Variants in FUT2 observed in about 807,000 individuals in gnomAD.
The protein encoded by FUT2 is galactoside alpha-(1,2)-fucosyltransferase 2.
For missense variants in FUT2, 419 were observed against 465.8 expected (o/e 0.90, Z 0.93); for synonymous variants, 182 against 193.1 (o/e 0.94, Z 0.48).
intron 1 of FUT2, among the ~76,000 whole-genome samples, chr19:48,702,475 T>TAC (rs1426552282): frequency 3.9e-5 from 6 of 151,988 alleles, no homozygotes; most frequent in African/African-American, 1.4e-4. Context: ...TGTATATATA[T>TAC]ACATATATAT....
At chr19:48,698,099 T>TTTTA (rs2032448154) in intron 1 of FUT2, among the ~76,000 whole-genome samples, 1 of 151,118 alleles carries the variant, frequency 6.6e-6, no homozygotes, top group Admixed American at 6.6e-5. Context: ...GAGGTGTTGT[T>TTTTA]TTTATCCCTC....
chr19:48,698,480 G>T (rs1395845478), intron 1 of FUT2, among the ~76,000 whole-genome samples: 1 of 151,924 alleles, frequency 6.6e-6, no homozygotes, highest in South Asian at 2.1e-4. Flanking sequence ...GCCCAGGCTG[G>T]AGTGCAGCTG....
In FUT2 at chr19:48,705,111, C is replaced by CTTTTTT. The variant is rs764196118; in HGVS notation, c.*1135_*1140dup. 16 of 139,140 alleles carry CTTTTTT rather than the reference C, an allele frequency of 1.1e-4. 1 individual carries two copies. The highest frequency in any genetic ancestry group is 2.2e-4 in the African/African-American group (6 of 27,822). The allele number at this position is 139,140 out of a possible 1,614,324, so 8.6% of individuals were successfully genotyped here. A position where few individuals can be genotyped will look rare whatever the true frequency, so the allele number is the denominator to read the frequency against. ...CACTGTTTTCTTTTCTTTTTCTTTT[C>CTTTTTT]TTTTTTTTTTTTTTTTTGAGATGGA... On this transcript the variant is annotated 3_prime_UTR_variant, in exon 2 of 2. Transcript: ENST00000425340.
Position 48,703,323 on chromosome 19 carries a change from C to T in FUT2, c.367C>T (p.Pro123Ser), listed in dbSNP as rs778487951. Residue 123 changes from proline to serine, a missense_variant, in exon 2 of 2, where the codon CCC becomes TCC. By Grantham distance (74) the Pro-to-Ser change is moderately conservative. Transcript: ENST00000425340. ...GCACAGCGCCACGGCCAGCAGGATCCCCTGGCAGAACTACCACCTGAACGA... is the reference window on the plus strand; with the variant it reads ...GCACAGCGCCACGGCCAGCAGGATCTCCTGGCAGAACTACCACCTGAACGA... ...VLHSATASRI[P>S]WQNYHLNDWM... is the part of the protein sequence containing the mutation. 2 of 1,613,004 alleles carry T rather than the reference C, an allele frequency of 1.2e-6. No homozygotes were observed. The highest frequency in any genetic ancestry group is 2.2e-5 in the East Asian group (1 of 44,884).
Position 48,704,560 on chromosome 19 carries a change from G to C in FUT2, c.*572G>C, listed in dbSNP as rs533653828. On this transcript the variant is annotated 3_prime_UTR_variant, in exon 2 of 2. Coordinates refer to ENST00000425340, the MANE Select transcript of FUT2 (RefSeq NM_000511.6). Reference sequence around the variant, plus strand: ...GGCTCCACAAAGTCATCAGTCACCTGAGCTCCATCCATCTTCACATGCTGT... The same window carrying C: ...GGCTCCACAAAGTCATCAGTCACCTCAGCTCCATCCATCTTCACATGCTGT... The C allele has an allele frequency of 3.0e-4, 127 of 422,476 alleles. No homozygotes were observed. The highest frequency in any genetic ancestry group is 2.4e-3 in the African/African-American group (118 of 48,822). The allele number at this position is 422,476 out of a possible 1,614,324, so 26.2% of individuals were successfully genotyped here.
intron 1 of FUT2, among the ~76,000 whole-genome samples, chr19:48,700,632 G>A (rs1271396686): frequency 6.6e-6 from 1 of 151,996 alleles, no homozygotes; most frequent in East Asian, 1.9e-4. Context: ...CGCCCAGCCA[G>A]CTACCATTTC....
rs764196118 is a variant in FUT2 at position 48,705,111 on chromosome 19, C to CTTTTTTTTTTTTTTTTTTTTT, written c.*1140_*1141insTTTTTTTTTTTTTTTTTTTTT. The stretch of plus-strand genomic sequence containing the variant: ...CACTGTTTTCTTTTCTTTTTCTTTT[C>CTTTTTTTTTTTTTTTTTTTTT]TTTTTTTTTTTTTTTTTGAGATGGA... On this transcript the variant is annotated 3_prime_UTR_variant, in exon 2 of 2. Transcript: ENST00000425340. 7.3e-6 allele frequency: 1 copy of CTTTTTTTTTTTTTTTTTTTTT among 137,304 alleles called. No individual in the cohort carries two copies. Among genetic ancestry groups the CTTTTTTTTTTTTTTTTTTTTT allele is most frequent in the African/African-American group, 3.6e-5 (1 of 27,730 alleles). 8.5% of individuals were successfully genotyped at this position (137,304 alleles called of 1,614,324 possible).
At chr19:48,696,858 G>C (rs534048688) in intron 1 of FUT2, among the ~76,000 whole-genome samples, 1 of 152,218 alleles carries the variant, frequency 6.6e-6, no homozygotes, top group East Asian at 2.0e-4. Flanking sequence ...GGGGCCCCGG[G>C]TGAGCGGAGA....
In FUT2 at chr19:48,703,206, G is replaced by A. The variant is rs771883357; in HGVS notation, c.250G>A (p.Ala84Thr). Residue 84 changes from alanine to threonine, a missense_variant, in exon 2 of 2, where the codon GCC becomes ACC. Transcript: ENST00000425340. Reference protein sequence around the residue: ...NQMGEYATLYALAKMNGRPAF... With the variant: ...NQMGEYATLYTLAKMNGRPAF... ...GATGGGCGAGTACGCCACACTGTAC[G>A]CCCTGGCCAAGATGAACGGGCGGCC... The A allele has an allele frequency of 3.0e-5, 48 of 1,613,276 alleles. No individual in the cohort carries two copies. In the East Asian group the frequency reaches 3.8e-4, roughly 13 times the overall value.
intron 1 of FUT2, among the ~76,000 whole-genome samples, chr19:48,701,590 G>A (rs12972433): frequency 6.6e-6 from 1 of 152,142 alleles, no homozygotes; most frequent in South Asian, 2.1e-4. Context: ...GCGGCCAGGA[G>A]GGCAGGCAGG....
intron 1 of FUT2, among the ~76,000 whole-genome samples, chr19:48,701,062 C>T (rs762649790): frequency 3.9e-5 from 6 of 151,986 alleles, no homozygotes; most frequent in East Asian, 1.9e-4. Flanking sequence ...AGAAGGTAAG[C>T]GGGGTTTAAA....
At chr19:48,700,589 C>T (rs1176102470) in intron 1 of FUT2, among the ~76,000 whole-genome samples, 1 of 151,998 alleles carries the variant, frequency 6.6e-6, no homozygotes, top group Non-Finnish European at 1.5e-5. Flanking sequence ...CCTTGGCCTC[C>T]CAAAGTGCTG....
rs28362840 is a variant in FUT2 at position 48,704,175 on chromosome 19, A to G, written c.*187A>G. On this transcript the variant is annotated 3_prime_UTR_variant, in exon 2 of 2. Transcript: ENST00000425340. The stretch of plus-strand genomic sequence containing the variant: ...GGTGGCTCATGCCTGTAATGCTCGC[A>G]CTTTGTGAGGCCAGGGTGGGTGGAT... 6.6e-3 allele frequency: 4,573 copies of G among 688,362 alleles called. 124 individuals are homozygous for G. Among genetic ancestry groups the G allele is most frequent in the African/African-American group, 0.065 (3,692 of 56,588 alleles). 42.6% of individuals were successfully genotyped at this position (688,362 alleles called of 1,614,324 possible). A position where few individuals can be genotyped will look rare whatever the true frequency, so the allele number is the denominator to read the frequency against.
At chr19:48,698,982 TTCCCTCCC>T (rs1196840864) in intron 1 of FUT2, among the ~76,000 whole-genome samples, 1 of 151,042 alleles carries the variant, frequency 6.6e-6, no homozygotes, top group African/African-American at 2.4e-5. Context: ...TCTCTGTCCC[TTCCCTCCC>T]TCCCTCCCTC....
chr19:48,699,880 A>C (rs1411243213), intron 1 of FUT2, among the ~76,000 whole-genome samples: 1 of 151,904 alleles, frequency 6.6e-6, no homozygotes, highest in Middle Eastern at 3.2e-3. Context: ...GAGGCCAGGC[A>C]TGGTGGCTCA....
In FUT2 at chr19:48,703,734, G is replaced by A. The variant is rs766274312; in HGVS notation, c.778G>A (p.Val260Met). ...RENIDTSHGD[V>M]VFAGDGIEGS... ...GAACATTGACACCTCCCACGGTGATGTGGTGTTTGCTGGCGATGGCATTGA... is the reference window on the plus strand; with the variant it reads ...GAACATTGACACCTCCCACGGTGATATGGTGTTTGCTGGCGATGGCATTGA... The change falls in exon 2 of 2, where the codon GTG becomes ATG. Residue 260 changes from valine (V) to methionine (M), a missense_variant. Physicochemically the swap from Val to Met is conservative, Grantham distance 21 (BLOSUM62 1). Coordinates refer to ENST00000425340, the MANE Select transcript of FUT2 (RefSeq NM_000511.6). 1 of 1,613,380 alleles carries A rather than the reference G, an allele frequency of 6.2e-7. No homozygotes were observed.
In FUT2 at chr19:48,703,111, C is replaced by G. The variant is rs780285648; in HGVS notation, c.155C>G (p.Ser52Ter). 2 of 1,613,368 alleles carry G rather than the reference C, an allele frequency of 1.2e-6. No individual in the cohort carries two copies. Among genetic ancestry groups the G allele is most frequent in the Admixed American group, 3.3e-5 (2 of 59,990 alleles). The change falls in exon 2 of 2, where the codon TCA becomes TGA. Residue 52 changes from serine (S) to a stop codon, truncating the protein, a stop_gained. Transcript: ENST00000425340. LOFTEE classifies it low-confidence loss of function (END_TRUNC). Reference protein sequence around the residue: ...PVQIPVLASTSKALGPSQLRG... With the variant: ...PVQIPVLAST ...CAGATACCAGTGCTAGCCTCAACAT[C>G]AAAGGCACTGGGACCCAGCCAGCTC...
chr19:48,699,264 GCTTA>G (rs2032469045), intron 1 of FUT2, among the ~76,000 whole-genome samples: 1 of 151,942 alleles, frequency 6.6e-6, no homozygotes, highest in Non-Finnish European at 1.5e-5. Context: ...CGCGATCTTA[GCTTA>G]CTGACTGCAA....
At chr19:48,696,334 G>C (rs918125523) in intron 1 of FUT2, 3 of 152,340 alleles carry the variant, frequency 2.0e-5, no homozygotes, top group African/African-American at 4.8e-5. Flanking sequence ...TGTTTCTAGA[G>C]CTCCAACCAC....
Sources: allele counts gnomAD v4.1 joint callset (sites outside exome capture counted in the v4.1 genomes callset), GRCh38; gene constraint gnomAD v4.1.1; transcripts MANE v1.5; gene names NCBI Gene and HGNC (gene_info 2026-07-23, HGNC 2026-07-21).